Variants in UBXN8 observed in about 807,000 individuals in gnomAD.
UBXN8 encodes the protein UBX domain protein 8, also known as UBX domain-containing protein 8.
In UBXN8, 27 loss-of-function variants were observed where a neutral mutation model predicts 32.1. The ratio of observed to expected loss-of-function variants is 0.84; its 90% CI spans 0.62 to 1.16. The LOEUF is 1.16. Ranked by LOEUF, UBXN8 falls within the 50% of genes most tolerant of loss-of-function variation. The pLI is 0.00. For synonymous variants in UBXN8, 109 were observed against 111.8 expected (o/e 0.98, Z 0.16); for missense variants, 306 against 311.4 (o/e 0.98, Z 0.13).
chr8:30,729,257 C>T (rs1804893597), upstream of UBXN8, among the ~76,000 whole-genome samples: 1 of 152,230 alleles, frequency 6.6e-6, no homozygotes, highest in Admixed American at 6.5e-5. Flanking sequence ...CTAGTCAGAG[C>T]AGTGCGTGGC....
chr8:30,755,872 C>T (rs956334187), intron 4 of UBXN8, among the ~76,000 whole-genome samples: 8 of 151,330 alleles, frequency 5.3e-5, no homozygotes, highest in Admixed American at 2.6e-4. Flanking sequence ...GATCTTTCCT[C>T]AAGTCAAGAT....
chr8:30,742,263 C>T (rs543684099), upstream of UBXN8, among the ~76,000 whole-genome samples: 1 of 152,312 alleles, frequency 6.6e-6, no homozygotes, highest in Admixed American at 6.5e-5. Context: ...TATTTTGCAC[C>T]TTTGCTTGGA....
intron 1 of UBXN8, among the ~76,000 whole-genome samples, chr8:30,735,457 T>G (rs1805051250): frequency 6.6e-6 from 1 of 152,194 alleles, no homozygotes; most frequent in Non-Finnish European, 1.5e-5. Context: ...CTCAGGAGGC[T>G]GAGACATGAG....
intron 1 of UBXN8, among the ~76,000 whole-genome samples, chr8:30,737,299 G>A (rs1028797249): frequency 9.2e-5 from 14 of 151,984 alleles, no homozygotes; most frequent in Non-Finnish European, 1.0e-4. Context: ...ACTCTTACTC[G>A]GGGAAGCTGT....
chr8:30,729,244 C>T (rs181859290), upstream of UBXN8, among the ~76,000 whole-genome samples: 84 of 152,324 alleles, frequency 5.5e-4, no homozygotes, highest in East Asian at 0.015. Context: ...CCCGGTGGAA[C>T]GCCTAGTCAG....
At chr8:30,760,444 T>TATA (rs60534482) in intron 5 of UBXN8, among the ~76,000 whole-genome samples, 14,092 of 66,074 alleles carry the variant, frequency 0.21, 908 homozygotes, top group South Asian at 0.26. Flanking sequence ...TATATATATA[T>TATA]TTTTTTTTTT....
chr8:30,743,398 C>A (rs1586090525), upstream of UBXN8, among the ~76,000 whole-genome samples: 2 of 148,128 alleles, frequency 1.4e-5, no homozygotes, highest in African/African-American at 5.0e-5. Flanking sequence ...TTGTGATCCG[C>A]CCGCCTCGGC....
chr8:30,740,078 G>A (rs975510750), upstream of UBXN8, among the ~76,000 whole-genome samples: 8 of 143,670 alleles, frequency 5.6e-5, no homozygotes, highest in South Asian at 2.3e-4. Flanking sequence ...ATTAAAAAAT[G>A]TGTTTTTTTG....
chr8:30,746,557 C>T (rs1805365794), intron 1 of UBXN8, among the ~76,000 whole-genome samples: 1 of 129,406 alleles, frequency 7.7e-6, no homozygotes, highest in Non-Finnish European at 1.6e-5. Flanking sequence ...GAGTCTCACT[C>T]TGTCACCCAG....
chr8:30,761,277 T>C (rs1805824477), intron 6 of UBXN8, among the ~76,000 whole-genome samples: 1 of 151,844 alleles, frequency 6.6e-6, no homozygotes, highest in Non-Finnish European at 1.5e-5. Flanking sequence ...GAAGTCTTGC[T>C]CTTGTCACCC....
intron 1 of UBXN8, among the ~76,000 whole-genome samples, chr8:30,747,482 T>G (rs1350052596): frequency 7.2e-6 from 1 of 139,758 alleles, no homozygotes; most frequent in Non-Finnish European, 1.5e-5. Context: ...GGCTAATGTT[T>G]GTATTTTTAG....
chr8:30,751,349 TAAAAAA>T, intron 1 of UBXN8, 41 bp from the exon 2 acceptor site: 1 of 1,489,640 alleles, frequency 6.7e-7, no homozygotes, highest in African/African-American at 1.4e-5. Context: ...CCTCATCTCT[TAAAAAA>T]AAAGTTTTGA....
chr8:30,735,458 G>C (rs973076567), intron 1 of UBXN8, among the ~76,000 whole-genome samples: 2 of 152,186 alleles, frequency 1.3e-5, no homozygotes, highest in African/African-American at 4.8e-5. Context: ...TCAGGAGGCT[G>C]AGACATGAGT....
upstream of UBXN8, among the ~76,000 whole-genome samples, chr8:30,729,334 A>G (rs1397467740): frequency 1.3e-5 from 2 of 152,250 alleles, no homozygotes; most frequent in Non-Finnish European, 2.9e-5. Flanking sequence ...GAGTCCGGAC[A>G]TTTGAAACTT....
rs183185819 is a variant in UBXN8 at position 30,751,973 on chromosome 8, A to T, written c.211+455A>T. On this transcript the variant is annotated intron_variant, in intron 2 of 7. Transcript: ENST00000265616. ...AGTGGCATGATCTTGGCTCACTGCA[A>T]CCTCCACCTCCTGGGTTCAAGTGAT... Among the ~76,000 whole-genome samples the T allele has an allele frequency of 1.9e-3, 284 of 150,912 alleles. 4 individuals carry two copies. Among genetic ancestry groups the T allele is most frequent in the Admixed American group, 0.014 (217 of 15,106 alleles).
chr8:30,766,220 C>A lies in UBXN8; in HGVS notation c.646-7C>A, dbSNP rs1260584097. On this transcript the variant is annotated splice_region_variant and splice_polypyrimidine_tract_variant and intron_variant, in intron 7 of 7. Transcript: ENST00000265616. ...ATAATGACTAAGCCAAGCTTTTCAT[C>A]TTCTAGGTCTTATTTGACTGGATGA... 6.2e-7 allele frequency: 1 copy of A among 1,608,244 alleles called. No individual in the cohort carries two copies.
intron 7 of UBXN8, among the ~76,000 whole-genome samples, chr8:30,765,770 G>A (rs945597291): frequency 5.9e-5 from 9 of 152,024 alleles, no homozygotes; most frequent in Non-Finnish European, 1.3e-4. Context: ...CACTTCGGGA[G>A]GCCCAGGCAG....
At chr8:30,748,702 G>A (rs1314737590) in intron 1 of UBXN8, among the ~76,000 whole-genome samples, 1 of 152,024 alleles carries the variant, frequency 6.6e-6, no homozygotes, top group African/African-American at 2.4e-5. Context: ...CATCATGCCT[G>A]GCTAATTTTT....
chr8:30,745,991 T>C (rs1025085955), intron 1 of UBXN8, among the ~76,000 whole-genome samples: 6 of 152,170 alleles, frequency 3.9e-5, no homozygotes, highest in African/African-American at 1.4e-4. Flanking sequence ...GCTCAAGCAA[T>C]CCACCCACTT....
Sources: allele counts gnomAD v4.1 joint callset (sites outside exome capture counted in the v4.1 genomes callset), GRCh38; gene constraint gnomAD v4.1.1; transcripts MANE v1.5; gene names NCBI Gene and HGNC (gene_info 2026-07-23, HGNC 2026-07-21).